The following ALK variants were observed in gnomAD, a reference collection of about 807,000 sequenced individuals.
The protein encoded by ALK is ALK tyrosine kinase receptor.
A neutral mutation model predicts 163.1 loss-of-function variants in ALK; 74 were observed. That is an observed-to-expected ratio of 0.45 (90% CI 0.38 to 0.55). The LOEUF (loss-of-function observed/expected upper bound fraction) is 0.55, where lower values mean the gene tolerates loss of function less well. ALK is among the 20% of genes least tolerant of loss of function. The pLI, the probability that ALK is intolerant of heterozygous loss-of-function variation, is 0.00. For missense variants in ALK, 2,063 were observed against 2,105.3 expected (o/e 0.98, Z 0.39); for synonymous variants, 960 against 843.2 (o/e 1.14, Z -2.40).
At chr2:29,787,657 G>A (rs1298572810) in intron 1 of ALK, among the ~76,000 whole-genome samples, 2 of 152,202 alleles carry the variant, frequency 1.3e-5, no homozygotes, top group Non-Finnish European at 2.9e-5. Context: ...GGAAGAGAAT[G>A]AGAAAAAGAC....
intron 9 of ALK, among the ~76,000 whole-genome samples, chr2:29,285,412 G>C (rs949898243): frequency 6.6e-6 from 1 of 151,982 alleles, no homozygotes; most frequent in Non-Finnish European, 1.5e-5. Context: ...ACCTTGCCCA[G>C]CTAATTTTTT....
At chr2:29,307,581 G>A (rs912038845) in intron 8 of ALK, among the ~76,000 whole-genome samples, 43 of 152,096 alleles carry the variant, frequency 2.8e-4, no homozygotes, top group African/African-American at 9.7e-4. Flanking sequence ...AGTGTGAACC[G>A]GTAATTTTGA....
At chr2:29,213,459 C>T (rs762671561) in intron 24 of ALK, among the ~76,000 whole-genome samples, 8 of 152,156 alleles carry the variant, frequency 5.3e-5, no homozygotes, top group Admixed American at 1.3e-4. Flanking sequence ...CTATAAGCCA[C>T]CCATTGTCAA....
chr2:29,726,377 GAGC>G (rs1441919589), intron 1 of ALK, among the ~76,000 whole-genome samples: 13 of 152,166 alleles, frequency 8.5e-5, no homozygotes, highest in African/African-American at 3.1e-4. Flanking sequence ...TGATCTCAGA[GAGC>G]TTTACCAAGC....
chr2:29,683,903 T>C (rs1678156787), intron 3 of ALK, among the ~76,000 whole-genome samples: 1 of 152,174 alleles, frequency 6.6e-6, no homozygotes, highest in African/African-American at 2.4e-5. Flanking sequence ...TTGTGCATTA[T>C]TTTGATTGAT....
chr2:29,196,201 A>T (rs1669019913), intron 28 of ALK, among the ~76,000 whole-genome samples: 1 of 152,196 alleles, frequency 6.6e-6, no homozygotes, highest in South Asian at 2.1e-4. Flanking sequence ...TAAGGTAGGG[A>T]TATTTTACAT....
intron 25 of ALK, chr2:29,208,133 T>G (rs1045049152): frequency 2.1e-5 from 9 of 435,366 alleles, no homozygotes; most frequent in African/African-American, 1.8e-4. Context: ...TGCATTGCAA[T>G]ATAGAAAACA....
intron 1 of ALK, among the ~76,000 whole-genome samples, chr2:29,842,408 T>C (rs1053945030): frequency 3.9e-5 from 6 of 152,168 alleles, no homozygotes; most frequent in Non-Finnish European, 8.8e-5. Context: ...GGGGGTGTTC[T>C]TGGGCTGTAC....
intron 1 of ALK, among the ~76,000 whole-genome samples, chr2:29,915,704 C>T (rs1667817150): frequency 6.6e-6 from 1 of 152,030 alleles, no homozygotes; most frequent in South Asian, 2.1e-4. Context: ...AGTAGGAGTC[C>T]ACCAAATCTA....
chr2:29,891,248 C>T (rs1255319417), intron 1 of ALK, among the ~76,000 whole-genome samples: 1 of 152,132 alleles, frequency 6.6e-6, no homozygotes, highest in Non-Finnish European at 1.5e-5. Context: ...GGTAAAGGCT[C>T]ATCTTCTTCA....
chr2:29,339,849 C>A (rs1271117592), intron 5 of ALK, among the ~76,000 whole-genome samples: 1 of 152,164 alleles, frequency 6.6e-6, no homozygotes, highest in Non-Finnish European at 1.5e-5. Flanking sequence ...TTCCAACTTC[C>A]AAATCCTAGG....
chr2:29,385,698 T>C (rs1363471196), intron 4 of ALK, among the ~76,000 whole-genome samples: 5 of 152,162 alleles, frequency 3.3e-5, no homozygotes, highest in Admixed American at 3.3e-4. Flanking sequence ...GCCCAACCTG[T>C]CCATTTTAAT....
intron 4 of ALK, among the ~76,000 whole-genome samples, chr2:29,448,532 G>A (rs898449358): frequency 4.6e-5 from 7 of 152,170 alleles, no homozygotes; most frequent in Non-Finnish European, 1.0e-4. Flanking sequence ...GGAAATAACA[G>A]TGTCATCCTG....
intron 11 of ALK, among the ~76,000 whole-genome samples, chr2:29,266,335 A>G (rs1665219626): frequency 6.6e-6 from 1 of 152,250 alleles, no homozygotes; most frequent in South Asian, 2.1e-4. Context: ...ATTTATGTGT[A>G]TACATAAGAG....
intron 1 of ALK, among the ~76,000 whole-genome samples, chr2:29,838,398 A>G (rs1031173109): frequency 6.6e-6 from 1 of 152,184 alleles, no homozygotes; most frequent in Non-Finnish European, 1.5e-5. Context: ...GATAAATACA[A>G]TGATGGCTCT....
intron 3 of ALK, among the ~76,000 whole-genome samples, chr2:29,687,120 A>C (rs1678263932): frequency 6.6e-6 from 1 of 152,050 alleles, no homozygotes. Context: ...AAGCATAAGC[A>C]CCCAGAGCCC....
intron 1 of ALK, among the ~76,000 whole-genome samples, chr2:29,803,798 G>A (rs1251791631): frequency 6.6e-6 from 1 of 152,192 alleles, no homozygotes; most frequent in Non-Finnish European, 1.5e-5. Flanking sequence ...GGGGAAGGAA[G>A]CCCAAACCCT....
chr2:29,454,427 T>C (rs1301169712), intron 4 of ALK, among the ~76,000 whole-genome samples: 1 of 152,200 alleles, frequency 6.6e-6, no homozygotes, highest in Admixed American at 6.5e-5. Context: ...ATATTTTAAT[T>C]TGTATTATTT....
intron 13 of ALK, among the ~76,000 whole-genome samples, chr2:29,235,698 G>C (rs78744166): frequency 0.076 from 11,516 of 151,552 alleles, 554 homozygotes; most frequent in Non-Finnish European, 0.11. Context: ...GTCCAATCTG[G>C]GTTCTTTCTT....
Sources: gnomAD v4.1 joint callset for allele counts (sites outside exome capture counted in the v4.1 genomes callset) on GRCh38, gnomAD v4.1.1 for gene constraint, MANE v1.5 for transcripts, NCBI Gene and HGNC (gene_info 2026-07-23, HGNC 2026-07-21) for gene names.